The following GALNTL6 variants were observed in gnomAD, a reference collection of about 807,000 sequenced individuals.
GALNTL6 encodes the protein polypeptide N-acetylgalactosaminyltransferase like 6, also known as polypeptide N-acetylgalactosaminyltransferase-like 6.
GALNTL6 carries 46 observed loss-of-function variants against 73.7 expected under a neutral mutation model. The ratio of observed to expected loss-of-function variants is 0.62; its 90% CI spans 0.49 to 0.80. The LOEUF is 0.80. Ranked by LOEUF, GALNTL6 falls within the 30% of genes least tolerant of loss-of-function variation. GALNTL6 has a pLI of 0.00. For synonymous variants in GALNTL6, 259 were observed against 263.7 expected, an observed-to-expected ratio of 0.98 and a Z score of 0.17; for missense variants, 604 against 755.0, an observed-to-expected ratio of 0.80 and a Z score of 2.34.
intron 5 of GALNTL6, among the ~76,000 whole-genome samples, chr4:172,486,745 G>A (rs930703742): frequency 6.6e-6 from 1 of 152,150 alleles, no homozygotes; most frequent in Non-Finnish European, 1.5e-5. Flanking sequence ...ATAGCCTTCT[G>A]CTTTCCTGTT....
At chr4:171,996,749 A>C (rs925276783) in intron 2 of GALNTL6, among the ~76,000 whole-genome samples, 1 of 148,620 alleles carries the variant, frequency 6.7e-6, no homozygotes, top group East Asian at 2.0e-4. Flanking sequence ...AAAAACTCAC[A>C]GTGTCTTAAG....
intron 4 of GALNTL6, among the ~76,000 whole-genome samples, chr4:172,342,595 T>C (rs1741607539): frequency 6.6e-6 from 1 of 152,240 alleles, no homozygotes; most frequent in South Asian, 2.1e-4. Context: ...GCAGCTCTAA[T>C]ATCCTCTGTT....
chr4:172,882,657 C>T lies in GALNTL6; in HGVS notation c.924-133C>T, dbSNP rs1183230025. On this transcript the variant is annotated intron_variant, in intron 7 of 12. Transcript: ENST00000506823. ...CCAATGAGAACCCTATATCCACTTA[C>T]AGAAAACCAGTGCTGAAAAGTTCCA... 5 of 668,336 alleles carry T rather than the reference C, an allele frequency of 7.5e-6. No individual in the cohort carries two copies. The Admixed American group carries it at 8.5e-5, about 11-fold the overall frequency. The allele number at this position is 668,336 out of a possible 1,614,324, so 41.4% of individuals were successfully genotyped here. A position where few individuals can be genotyped will look rare whatever the true frequency, so the allele number is the denominator to read the frequency against.
chr4:172,940,666 T>TTTATTA (rs200767401), intron 9 of GALNTL6, among the ~76,000 whole-genome samples: 14 of 119,578 alleles, frequency 1.2e-4, no homozygotes, highest in South Asian at 2.6e-4. Context: ...CGGCCAACAT[T>TTTATTA]TTATTATTAT....
chr4:171,860,087 C>T (rs765245606), intron 2 of GALNTL6, among the ~76,000 whole-genome samples: 1 of 152,160 alleles, frequency 6.6e-6, no homozygotes, highest in Non-Finnish European at 1.5e-5. Context: ...TTACTGTCCA[C>T]ATAAGAACAC....
rs143959964 is a variant in GALNTL6, at chr4:172,474,774, A to G, written c.553+126085A>G. On this transcript the variant is annotated intron_variant, in intron 5 of 12. Coordinates refer to ENST00000506823, the MANE Select transcript of GALNTL6 (RefSeq NM_001034845.3). ...TCTCTTGATTCTCTTGGAATGAATG[A>G]AAGTTTTTCTCTTGGGTCATTTTTC... 8.4e-3 allele frequency among the ~76,000 whole-genome samples: 1,276 copies of G among 152,290 alleles called. 11 individuals are homozygous for G. The highest frequency in any genetic ancestry group is 0.029 in the African/African-American group (1,207 of 41,564).
intron 3 of GALNTL6, among the ~76,000 whole-genome samples, chr4:172,285,197 A>G (rs1739204032): frequency 6.6e-6 from 1 of 152,154 alleles, no homozygotes; most frequent in Non-Finnish European, 1.5e-5. Flanking sequence ...GGGATTTCTC[A>G]CTGCAAAATT....
chr4:171,846,660 A>C (rs767083019), intron 2 of GALNTL6, among the ~76,000 whole-genome samples: 13 of 151,416 alleles, frequency 8.6e-5, no homozygotes, highest in Non-Finnish European at 1.9e-4. Flanking sequence ...TTATCTATCT[A>C]TGTCTATTCA....
At chr4:172,453,957 A>G (rs1451159172) in intron 5 of GALNTL6, among the ~76,000 whole-genome samples, 2 of 152,214 alleles carry the variant, frequency 1.3e-5, no homozygotes, top group Non-Finnish European at 2.9e-5. Context: ...AAATATAGTA[A>G]ACAATACTAT....
intron 5 of GALNTL6, among the ~76,000 whole-genome samples, chr4:172,719,739 A>T (rs1735341744): frequency 6.6e-6 from 1 of 152,148 alleles, no homozygotes; most frequent in African/African-American, 2.4e-5. Context: ...CATGTGCAAG[A>T]AAGAATTAAG....
chr4:172,283,138 C>G (rs920232483), intron 3 of GALNTL6, among the ~76,000 whole-genome samples: 10 of 152,112 alleles, frequency 6.6e-5, no homozygotes, highest in African/African-American at 2.2e-4. Flanking sequence ...GTTCAGAATA[C>G]AGATAGGAAT....
At chr4:171,996,196 T>C (rs1044421145) in intron 2 of GALNTL6, among the ~76,000 whole-genome samples, 3 of 152,172 alleles carry the variant, frequency 2.0e-5, no homozygotes, top group Non-Finnish European at 4.4e-5. Context: ...ATTTATCATT[T>C]AATGTCATGC....
intron 5 of GALNTL6, among the ~76,000 whole-genome samples, chr4:172,487,264 T>G (rs983149248): frequency 4.1e-5 from 6 of 146,810 alleles, no homozygotes; most frequent in Non-Finnish European, 9.1e-5. Context: ...CCTTCCTTCC[T>G]TCCTTTCCTC....
intron 7 of GALNTL6, among the ~76,000 whole-genome samples, chr4:172,881,430 T>C (rs1014915533): frequency 6.6e-6 from 1 of 152,204 alleles, no homozygotes; most frequent in Non-Finnish European, 1.5e-5. Flanking sequence ...AGTCTTGTAA[T>C]CTCTTCATCT....
At chr4:172,233,205 C>CAAAA (rs35723958) in intron 3 of GALNTL6, among the ~76,000 whole-genome samples, 1 of 104,734 alleles carries the variant, frequency 9.5e-6, no homozygotes, top group African/African-American at 3.7e-5. Context: ...CTCATCTCTC[C>CAAAA]AAAAAAAAAA....
chr4:172,279,888 A>G (rs1339058942), intron 3 of GALNTL6, among the ~76,000 whole-genome samples: 2 of 152,228 alleles, frequency 1.3e-5, no homozygotes, highest in African/African-American at 2.4e-5. Flanking sequence ...ATAGAATACT[A>G]TTCAGCCTTA....
intron 5 of GALNTL6, among the ~76,000 whole-genome samples, chr4:172,360,448 A>G (rs1004927060): frequency 6.6e-6 from 1 of 150,544 alleles, no homozygotes; most frequent in Non-Finnish European, 1.5e-5. Flanking sequence ...GAAGTGTCCC[A>G]TAATTCTGTA....
chr4:172,503,120 C>T (rs1734321801), intron 5 of GALNTL6, among the ~76,000 whole-genome samples: 1 of 152,034 alleles, frequency 6.6e-6, no homozygotes, highest in Admixed American at 6.6e-5. Context: ...CGTGATGTGG[C>T]ATTAAAGTAC....
intron 5 of GALNTL6, among the ~76,000 whole-genome samples, chr4:172,414,154 C>A (rs929832509): frequency 1.3e-5 from 2 of 152,046 alleles, no homozygotes; most frequent in African/African-American, 4.8e-5. Flanking sequence ...ACTAGAAGCA[C>A]CCAAACTAGT....
Sources: gnomAD v4.1 joint callset for allele counts (sites outside exome capture counted in the v4.1 genomes callset) on GRCh38, gnomAD v4.1.1 for gene constraint, MANE v1.5 for transcripts, NCBI Gene and HGNC (gene_info 2026-07-23, HGNC 2026-07-21) for gene names.